The following ANKRD46 variants were observed in gnomAD, a reference collection of about 807,000 sequenced individuals.
The protein encoded by ANKRD46 is ankyrin repeat domain 46.
Under a neutral mutation model 19.8 loss-of-function variants are expected in ANKRD46, and 13 were observed. The observed-to-expected ratio is 0.66, with a 90% CI of 0.43 to 1.04. The LOEUF is 1.04. Among genes scored for constraint, ANKRD46 ranks in the 50% least tolerant of loss-of-function variants. ANKRD46 has a pLI of 0.00. For missense variants in ANKRD46, 185 were observed against 274.8 expected, an observed-to-expected ratio of 0.67 and a Z score of 2.31; for synonymous variants, 91 against 106.9, an observed-to-expected ratio of 0.85 and a Z score of 0.92.
Position 100,522,388 on chromosome 8 carries a change from A to G in ANKRD46, c.*167T>C. The G allele has an allele frequency of 2.1e-6, 3 of 1,432,108 alleles. No individual in the cohort carries two copies. Among genetic ancestry groups the G allele is most frequent in the South Asian group, 1.5e-5 (1 of 65,748 alleles). 88.7% of individuals were successfully genotyped at this position (1,432,108 alleles called of 1,614,324 possible). On this transcript the variant is annotated 3_prime_UTR_variant, in exon 5 of 5. Transcript: ENST00000335659. The stretch of plus-strand genomic sequence containing the variant: ...ATATACTTGATCATAGTATGTAGTT[A>G]GTTCAAATGAACACATCATTATCTA...
downstream of ANKRD46, among the ~76,000 whole-genome samples, chr8:100,520,228 G>A (rs1278694540): frequency 6.6e-6 from 1 of 151,916 alleles, no homozygotes; most frequent in African/African-American, 2.4e-5. Context: ...TGTAAGAAAG[G>A]AAAAAAAGTA....
intron 4 of ANKRD46, among the ~76,000 whole-genome samples, chr8:100,526,987 G>C (rs1432958621): frequency 1.3e-5 from 2 of 151,932 alleles, no homozygotes; most frequent in African/African-American, 4.8e-5. Flanking sequence ...TCCTTCACAC[G>C]TATAATGTGG....
rs1310566314 is a variant in ANKRD46 at position 100,544,533 on chromosome 8, T to A, written c.-130-11222A>T. Among the ~76,000 whole-genome samples, 1 of 152,180 alleles carries A rather than the reference T, an allele frequency of 6.6e-6. No homozygotes were observed. Among genetic ancestry groups the A allele is most frequent in the African/African-American group, 2.4e-5 (1 of 41,446 alleles). On this transcript the variant is annotated intron_variant, in intron 1 of 4. Transcript: ENST00000335659. The surrounding 1 kb of genome is among the most constrained non-coding windows in gnomAD (Gnocchi z 4.4). ...GCGAAGGCAGACTTCCAGACTTGAA[T>A]CAAGAGATCCATGATCTGTGAATTT...
intron 1 of ANKRD46, among the ~76,000 whole-genome samples, chr8:100,538,824 G>A (rs1248236753): frequency 1.3e-5 from 2 of 152,120 alleles, no homozygotes; most frequent in Middle Eastern, 3.2e-3. Flanking sequence ...ACTGCTCTTA[G>A]GAGAGTACCA....
chr8:100,530,232 C>T (rs1166178509), intron 2 of ANKRD46, among the ~76,000 whole-genome samples: 1 of 152,158 alleles, frequency 6.6e-6, no homozygotes, highest in African/African-American at 2.4e-5. Context: ...TATATAAATG[C>T]TACTGCTGGT....
chr8:100,538,143 CACTCGAT>C (rs1480041263), intron 1 of ANKRD46, among the ~76,000 whole-genome samples: 1 of 152,090 alleles, frequency 6.6e-6, no homozygotes, highest in Non-Finnish European at 1.5e-5. Flanking sequence ...CCTGAATGTA[CACTCGAT>C]TAAGTTCATT....
At position 100,511,938 on chromosome 8, in the gene ANKRD46, T is replaced by C. The variant is rs114003943; in HGVS notation, c.637-1299A>G. Among the ~76,000 whole-genome samples the C allele has an allele frequency of 7.7e-3, 1,168 of 152,258 alleles. 18 individuals carry two copies. Among genetic ancestry groups the C allele is most frequent in the African/African-American group, 0.026 (1,085 of 41,512 alleles). On this transcript the variant is annotated intron_variant, in intron 5 of 5. Transcript: ENST00000520552. This position sits in a 1 kb window ranked among gnomAD's most constrained non-coding sequence, Gnocchi z 4.1. Reference sequence around the variant, plus strand: ...TACTCGGGAAGCTGAGTCAGAAGAATTGCTTGAACCCAGGTGGCGGAGGCT... The same window carrying C: ...TACTCGGGAAGCTGAGTCAGAAGAACTGCTTGAACCCAGGTGGCGGAGGCT...
Position 100,527,058 on chromosome 8 carries a change from T to C in ANKRD46, c.470+787A>G, listed in dbSNP as rs1811855660. Among the ~76,000 whole-genome samples the C allele has an allele frequency of 6.6e-6, 1 of 152,192 alleles. No individual in the cohort carries two copies. The highest frequency in any genetic ancestry group is 2.4e-5 in the African/African-American group (1 of 41,454). Reference sequence around the variant, plus strand: ...TGCTACTAGAACTAAGTCTGGCCTATTAACTTTACCTGTTGAGCCCAGTGA... The same window carrying C: ...TGCTACTAGAACTAAGTCTGGCCTACTAACTTTACCTGTTGAGCCCAGTGA... On this transcript the variant is annotated intron_variant, in intron 4 of 4. Coordinates refer to ENST00000335659, the MANE Select transcript of ANKRD46 (RefSeq NM_001270377.2). The surrounding 1 kb of genome is among the most constrained non-coding windows in gnomAD (Gnocchi z 4.0).
intron 4 of ANKRD46, among the ~76,000 whole-genome samples, chr8:100,526,732 C>T (rs969733722): frequency 7.2e-5 from 11 of 151,886 alleles, no homozygotes; most frequent in African/African-American, 2.4e-4. Context: ...ATCTGGCACA[C>T]GAGAGGAGGA....
chr8:100,518,506 C>T (rs1289537359), downstream of ANKRD46, among the ~76,000 whole-genome samples: 1 of 152,060 alleles, frequency 6.6e-6, no homozygotes, highest in African/African-American at 2.4e-5. Flanking sequence ...GAAGTCGAAT[C>T]TTCCCTTAAT....
intron 1 of ANKRD46, among the ~76,000 whole-genome samples, chr8:100,552,373 C>T (rs886080030): frequency 4.0e-5 from 6 of 148,670 alleles, no homozygotes; most frequent in African/African-American, 1.5e-4. Flanking sequence ...TCTGACTATA[C>T]TTTGGCGCTT....
chr8:100,516,714 A>G (rs1370928610), downstream of ANKRD46, among the ~76,000 whole-genome samples: 4 of 152,240 alleles, frequency 2.6e-5, no homozygotes, highest in African/African-American at 9.6e-5. Context: ...CTGATCAATT[A>G]CGCAACTCCT....
rs1811912199 is a variant in ANKRD46, at chr8:100,529,492, G to T, written c.311+31C>A. 1 of 1,580,198 alleles carries T rather than the reference G, an allele frequency of 6.3e-7. No homozygotes were observed. Among genetic ancestry groups the T allele is most frequent in the South Asian group, 1.1e-5 (1 of 87,174 alleles). The stretch of plus-strand genomic sequence containing the variant: ...AGTTGAGAGATTAATGGGAAGAAAT[G>T]ACTAGACTTCTAAAACAACAGAGAA... On this transcript the variant is annotated intron_variant, in intron 3 of 4. Transcript: ENST00000335659. The surrounding 1 kb of genome is among the most constrained non-coding windows in gnomAD (Gnocchi z 5.8).
In ANKRD46 at chr8:100,550,135, A is replaced by G. The variant is rs1259102933; in HGVS notation, c.-131+9576T>C. On this transcript the variant is annotated intron_variant, in intron 1 of 4. Coordinates refer to ENST00000335659, the MANE Select transcript of ANKRD46 (RefSeq NM_001270377.2). This position sits in a 1 kb window ranked among gnomAD's most constrained non-coding sequence, Gnocchi z 4.4. The stretch of plus-strand genomic sequence containing the variant: ...GAATAAGGCTGACATGAACACCCAC[A>G]TGCAGGTTTTTGTGTGGACAGTTTT... Among the ~76,000 whole-genome samples the G allele has an allele frequency of 2.6e-5, 4 of 152,206 alleles. No homozygotes were observed. The highest frequency in any genetic ancestry group is 9.7e-5 in the African/African-American group (4 of 41,444).
rs1005737703 is a variant in ANKRD46, at chr8:100,525,364, C to T, written c.470+2481G>A. On this transcript the variant is annotated intron_variant, in intron 4 of 4. Coordinates refer to ENST00000335659, the MANE Select transcript of ANKRD46 (RefSeq NM_001270377.2). This position sits in a 1 kb window ranked among gnomAD's most constrained non-coding sequence, Gnocchi z 4.4. ...ATCTCTTCTAATTCCAGTACACTTT[C>T]AGCACCTCTATAAGAAACTCTGTAC... is the stretch of plus-strand genomic sequence containing the variant. Among the ~76,000 whole-genome samples the T allele has an allele frequency of 1.3e-5, 2 of 152,218 alleles. No homozygotes were observed. The highest frequency in any genetic ancestry group is 4.8e-5 in the African/African-American group (2 of 41,462).
intron 1 of ANKRD46, chr8:100,551,493 T>A (rs1812389151): frequency 3.8e-6 from 3 of 782,242 alleles, no homozygotes; most frequent in Non-Finnish European, 6.6e-6. Context: ...TGGAAGATGG[T>A]GATGGGATTT....
At position 100,522,400 on chromosome 8, in the gene ANKRD46, CA is replaced by C. The variant is rs1252413415; in HGVS notation, c.*154del. ...ATAGTATGTAGTTAGTTCAAATGAACACATCATTATCTAAAAGGATTACAAT... is the reference window on the plus strand; with the variant it reads ...ATAGTATGTAGTTAGTTCAAATGAACCATCATTATCTAAAAGGATTACAAT... On this transcript the variant is annotated 3_prime_UTR_variant, in exon 5 of 5. Coordinates refer to ENST00000335659, the MANE Select transcript of ANKRD46 (RefSeq NM_001270377.2). 10 of 1,437,118 alleles carry C rather than the reference CA, an allele frequency of 7.0e-6. No homozygotes were observed. The East Asian group carries it at 2.2e-4, about 32-fold the overall frequency. The allele number at this position is 1,437,118 out of a possible 1,614,324, so 89.0% of individuals were successfully genotyped here. A position where few individuals can be genotyped will look rare whatever the true frequency, so the allele number is the denominator to read the frequency against.
At chr8:100,516,191 T>A (rs1811628254), downstream of ANKRD46, among the ~76,000 whole-genome samples, 1 of 152,194 alleles carries the variant, frequency 6.6e-6, no homozygotes, top group South Asian at 2.1e-4. Context: ...ATGTTCATTT[T>A]TCAGGCTTCA....
chr8:100,538,499 C>T (rs1812109326), intron 1 of ANKRD46, among the ~76,000 whole-genome samples: 1 of 152,050 alleles, frequency 6.6e-6, no homozygotes, highest in South Asian at 2.1e-4. Flanking sequence ...TATGCAAATA[C>T]CATATCATTC....
Sources: allele counts gnomAD v4.1 joint callset (sites outside exome capture counted in the v4.1 genomes callset), GRCh38; gene constraint gnomAD v4.1.1; non-coding constraint Gnocchi (gnomAD v3.1); transcripts MANE v1.5; gene names NCBI Gene and HGNC (gene_info 2026-07-23, HGNC 2026-07-21).